Variants in SOHLH2 observed in about 807,000 individuals in gnomAD.
The protein encoded by SOHLH2 is spermatogenesis- and oogenesis-specific basic helix-loop-helix-containing protein 2.
A neutral mutation model predicts 50.4 loss-of-function variants in SOHLH2; 22 were observed. The observed-to-expected ratio is 0.44, with a 90% CI of 0.31 to 0.62. SOHLH2 has a LOEUF of 0.62. SOHLH2 is among the 20% of genes least tolerant of loss of function. The probability of loss-of-function intolerance (pLI) is 0.08; values close to 1 mark genes in which losing one functional copy is unlikely to be tolerated. For missense variants in SOHLH2, 412 were observed against 504.4 expected (o/e 0.82, Z 1.76); for synonymous variants, 185 against 187.3 (o/e 0.99, Z 0.10).
intron 1 of SOHLH2, among the ~76,000 whole-genome samples, chr13:36,214,230 A>G (rs573944086): frequency 1.3e-5 from 2 of 151,126 alleles, no homozygotes; most frequent in East Asian, 2.0e-4. Context: ...CCGTCCCCCA[A>G]CCTCAGGCCC....
chr13:36,192,433 G>A (rs187810137), intron 4 of SOHLH2, among the ~76,000 whole-genome samples: 2 of 152,264 alleles, frequency 1.3e-5, no homozygotes, highest in East Asian at 3.9e-4. Context: ...AAAGCCCTCG[G>A]TCACCAAAGT....
chr13:36,191,819 T>C lies in SOHLH2; in HGVS notation c.506A>G (p.Tyr169Cys). Reference sequence around the variant, plus strand: ...CCAGGCAAATAGATCAGTAGGAAAATATCCCAGGTGTTCGCTGTAGGACCT... The same window carrying C: ...CCAGGCAAATAGATCAGTAGGAAAACATCCCAGGTGTTCGCTGTAGGACCT... ...LQRSYSEHLG[Y>C]FPTDLFACSE... The change falls in exon 5 of 11, where the codon TAT becomes TGT. Residue 169 changes from tyrosine (Y) to cysteine (C), a missense_variant. Tyr to Cys is a radical substitution (Grantham distance 194). Transcript: ENST00000379881. 1 of 1,613,846 alleles carries C rather than the reference T, an allele frequency of 6.2e-7. No individual in the cohort carries two copies. The highest frequency in any genetic ancestry group is 1.1e-5 in the South Asian group (1 of 91,066).
chr13:36,191,310 TAA>T (rs945250552), intron 5 of SOHLH2, among the ~76,000 whole-genome samples: 5 of 152,324 alleles, frequency 3.3e-5, no homozygotes, highest in African/African-American at 1.2e-4. Context: ...ATGAGGTACG[TAA>T]AAGATACTAA....
At chr13:36,173,659 C>G (rs778625570) in intron 9 of SOHLH2, 33 bp downstream of exon 9, 1 of 1,611,606 alleles carries the variant, frequency 6.2e-7, no homozygotes, top group Non-Finnish European at 8.5e-7. Context: ...GCAGGTCCCC[C>G]TCTAAGTGGC....
intron 1 of SOHLH2, among the ~76,000 whole-genome samples, chr13:36,209,789 A>G (rs560270210): frequency 1.3e-5 from 2 of 152,360 alleles, no homozygotes; most frequent in African/African-American, 4.8e-5. Flanking sequence ...CTTTGTTTCC[A>G]AACATAAATA....
chr13:36,181,822 G>A (rs1887263680), intron 6 of SOHLH2, among the ~76,000 whole-genome samples: 2 of 151,910 alleles, frequency 1.3e-5, no homozygotes, highest in African/African-American at 2.4e-5. Context: ...TTTCCCTTCC[G>A]CCTGAAGAAT....
At chr13:36,177,330 T>C (rs1887120963) in intron 6 of SOHLH2, among the ~76,000 whole-genome samples, 1 of 152,124 alleles carries the variant, frequency 6.6e-6, no homozygotes, top group South Asian at 2.1e-4. Context: ...CTCTTATTGA[T>C]GAACACTTGG....
rs75450711 is a variant in SOHLH2 at position 36,208,766 on chromosome 13, T to C, written c.48+5713A>G. 8.3e-3 allele frequency among the ~76,000 whole-genome samples: 1,262 copies of C among 152,300 alleles called. 19 individuals are homozygous for C. Among genetic ancestry groups the C allele is most frequent in the African/African-American group, 0.029 (1,214 of 41,566 alleles). On this transcript the variant is annotated intron_variant, in intron 1 of 10. Coordinates refer to ENST00000379881, the MANE Select transcript of SOHLH2 (RefSeq NM_017826.3). ...AGAAAATTATTTAAAGACCGTCTGA[T>C]AGCATCAGAGTCCTACCAAGTCTGA...
chr13:36,176,554 G>C (rs915031711), intron 6 of SOHLH2, among the ~76,000 whole-genome samples: 1 of 151,910 alleles, frequency 6.6e-6, no homozygotes, highest in Non-Finnish European at 1.5e-5. Context: ...AGATAGCTTG[G>C]GGATGGGACC....
In SOHLH2 at chr13:36,185,481, CACAA is replaced by C. The variant is rs545391413; in HGVS notation, c.641+4461_641+4464del. Among the ~76,000 whole-genome samples, 11 of 151,580 alleles carry C rather than the reference CACAA, an allele frequency of 7.3e-5. No individual in the cohort carries two copies. In the South Asian group the frequency reaches 1.2e-3, roughly 17 times the overall value. On this transcript the variant is annotated intron_variant, in intron 6 of 10. Transcript: ENST00000379881. ...GACTCTGTCTCAAAACAAACAAACACACAAACAAACAAAAAACCCACAAAGTATA... is the reference window on the plus strand; with the variant it reads ...GACTCTGTCTCAAAACAAACAAACACACAAACAAAAAACCCACAAAGTATA...
At position 36,170,303 on chromosome 13, in the gene SOHLH2, C is replaced by T. The variant is rs574097052; in HGVS notation, c.1257+228G>A. ...TGGTCACCGTCAAACTAGCACAGTC[C>T]CATTCAGCTTCACTGGTTCTGGATA... On this transcript the variant is annotated intron_variant, in intron 10 of 10. Transcript: ENST00000379881. 1.1e-4 allele frequency among the ~76,000 whole-genome samples: 16 copies of T among 152,200 alleles called. No individual in the cohort carries two copies. The South Asian group carries it at 3.1e-3, about 30-fold the overall frequency.
Position 36,212,173 on chromosome 13 carries a change from A to G in SOHLH2, c.48+2306T>C, listed in dbSNP as rs116654439. Among the ~76,000 whole-genome samples, 238 of 152,292 alleles carry G rather than the reference A, an allele frequency of 1.6e-3. 1 individual carries two copies. Among genetic ancestry groups the G allele is most frequent in the African/African-American group, 5.5e-3 (228 of 41,556 alleles). On this transcript the variant is annotated intron_variant, in intron 1 of 10. Coordinates refer to ENST00000379881, the MANE Select transcript of SOHLH2 (RefSeq NM_017826.3). ...AGATGATCTGGAAAGGGATGAGGAG[A>G]AACAAGCACCACTAACCCACCGTTC...
intron 6 of SOHLH2, among the ~76,000 whole-genome samples, chr13:36,184,512 T>C (rs1006360656): frequency 6.9e-6 from 1 of 144,348 alleles, no homozygotes; most frequent in Non-Finnish European, 1.5e-5. Context: ...CAGGCTGGAG[T>C]ACAGTGGCGC....
chr13:36,188,184 A>T (rs1051053994), intron 6 of SOHLH2, among the ~76,000 whole-genome samples: 3 of 152,196 alleles, frequency 2.0e-5, no homozygotes, highest in African/African-American at 7.2e-5. Flanking sequence ...GAAAACTATG[A>T]GTACCTCAGT....
intron 1 of SOHLH2, among the ~76,000 whole-genome samples, chr13:36,208,098 C>A (rs577932061): frequency 6.6e-6 from 1 of 152,244 alleles, no homozygotes; most frequent in East Asian, 1.9e-4. Flanking sequence ...TGTGGATGTA[C>A]GTTAAAACCA....
rs181336239 is a variant in SOHLH2 at position 36,204,194 on chromosome 13, G to A, written c.49-2101C>T. ...TCGAACTCCTGACCTCGGGTGATCC[G>A]CCCACCTTGGCCTCCCAAAGTGCTG... On this transcript the variant is annotated intron_variant, in intron 1 of 10. Transcript: ENST00000379881. 9.2e-5 allele frequency among the ~76,000 whole-genome samples: 14 copies of A among 151,996 alleles called. No individual in the cohort carries two copies. The East Asian group carries it at 9.7e-4, about 11-fold the overall frequency.
chr13:36,202,087 T>A lies in SOHLH2; in HGVS notation c.55A>T (p.Ile19Leu). The A allele has an allele frequency of 6.2e-7, 1 of 1,614,174 alleles. No homozygotes were observed. The highest frequency in any genetic ancestry group is 1.1e-5 in the South Asian group (1 of 91,084). ...EHCQISGQAK[I>L]DILLVGDVTV... ...ACATCTCCAACTAATAAGATGTCTA[T>A]TTTTGCCTGAAAGAGAAGGAAGCAG... Residue 19 changes from isoleucine to leucine, a missense_variant, in exon 2 of 11, where the codon ATA (isoleucine) becomes TTA (leucine). Physicochemically the swap from Ile to Leu is conservative, Grantham distance 5. Coordinates refer to ENST00000379881, the MANE Select transcript of SOHLH2 (RefSeq NM_017826.3).
At chr13:36,186,742 T>C (rs1265063721) in intron 6 of SOHLH2, among the ~76,000 whole-genome samples, 1 of 152,192 alleles carries the variant, frequency 6.6e-6, no homozygotes, top group Non-Finnish European at 1.5e-5. Context: ...TCACCAAGAA[T>C]ATAAGAATTA....
At chr13:36,170,443 C>G in intron 10 of SOHLH2, 88 bp downstream of exon 10, 1 of 1,494,720 alleles carries the variant, frequency 6.7e-7, no homozygotes, top group Non-Finnish European at 8.9e-7. Flanking sequence ...GCCTTCCAAC[C>G]AGAGTAGCAA....
Sources: gnomAD v4.1 joint callset for allele counts (sites outside exome capture counted in the v4.1 genomes callset) on GRCh38, gnomAD v4.1.1 for gene constraint, MANE v1.5 for transcripts, NCBI Gene and HGNC (gene_info 2026-07-23, HGNC 2026-07-21) for gene names.